Variants in ARRDC1 observed in about 807,000 individuals in gnomAD.
ARRDC1 encodes arrestin domain containing 1.
A neutral mutation model predicts 40.1 loss-of-function variants in ARRDC1; 37 were observed. The ratio of observed to expected loss-of-function variants is 0.92; its 90% CI spans 0.71 to 1.21. ARRDC1 has a LOEUF of 1.21. Ranked by LOEUF, ARRDC1 falls within the 50% of genes most tolerant of loss-of-function variation. The pLI, the probability that ARRDC1 is intolerant of heterozygous loss-of-function variation, is 0.00. For missense variants in ARRDC1, 641 were observed against 581.9 expected (o/e 1.10, Z -1.04); for synonymous variants, 310 against 262.5 (o/e 1.18, Z -1.75).
At position 137,609,661 on chromosome 9, in the gene ARRDC1, A is replaced by G. The variant is rs935663886; in HGVS notation, c.119-3235A>G. Among the ~76,000 whole-genome samples the G allele has an allele frequency of 2.6e-5, 4 of 152,264 alleles. No individual in the cohort carries two copies. The South Asian group carries it at 8.3e-4, about 32-fold the overall frequency. On this transcript the variant is annotated intron_variant, in intron 1 of 7. Transcript: ENST00000371421. ...CACCACAGCCTCCTGAGTGACTGGG[A>G]CCAGGGGCACGCGCCACCACACCCA...
intron 2 of ARRDC1, 71 bp downstream of exon 2, chr9:137,613,077 G>A: frequency 2.6e-6 from 3 of 1,156,012 alleles, no homozygotes; most frequent in Non-Finnish European, 1.3e-6. Context: ...TGTCTGTCCT[G>A]TCCTCCCCCT....
chr9:137,606,395 G>A (rs556114893), intron 1 of ARRDC1, among the ~76,000 whole-genome samples: 13 of 152,296 alleles, frequency 8.5e-5, no homozygotes, highest in African/African-American at 2.9e-4. Context: ...GCGAGGTGAG[G>A]CTGCCTCTGC....
chr9:137,609,768 C>T (rs777506118), intron 1 of ARRDC1, among the ~76,000 whole-genome samples: 3 of 152,084 alleles, frequency 2.0e-5, no homozygotes, highest in Non-Finnish European at 4.4e-5. Context: ...TCAAGCAATC[C>T]GCTCGCCTTG....
chr9:137,613,136 G>T, intron 2 of ARRDC1, 130 bp downstream of exon 2: 1 of 844,314 alleles, frequency 1.2e-6, no homozygotes, highest in South Asian at 1.4e-5. Context: ...TTGTCCCAGG[G>T]TTGTGGGCCC....
intron 1 of ARRDC1, chr9:137,612,405 G>C (rs1842545621): frequency 5.7e-6 from 1 of 175,502 alleles, no homozygotes; most frequent in African/African-American, 2.4e-5. Flanking sequence ...GGAACACTGT[G>C]TCTGCCTAGG....
chr9:137,610,826 G>A (rs1220983812), intron 1 of ARRDC1, among the ~76,000 whole-genome samples: 1 of 152,028 alleles, frequency 6.6e-6, no homozygotes, highest in African/African-American at 2.4e-5. Flanking sequence ...GCCTCCCGAA[G>A]TGCTGGGATT....
intron 1 of ARRDC1, among the ~76,000 whole-genome samples, chr9:137,609,861 T>C (rs558795278): frequency 2.0e-5 from 3 of 151,778 alleles, no homozygotes; most frequent in Non-Finnish European, 2.9e-5. Flanking sequence ...ATCTGATGGA[T>C]TGAAATGGTA....
chr9:137,612,855 C>T, intron 1 of ARRDC1, 41 bp from the exon 2 acceptor site: 1 of 1,514,634 alleles, frequency 6.6e-7, no homozygotes, highest in Non-Finnish European at 9.1e-7. Flanking sequence ...GGGGCCTGGG[C>T]CGTCGGCTGG....
At chr9:137,606,309 G>A (rs954337975) in intron 1 of ARRDC1, among the ~76,000 whole-genome samples, 3 of 152,194 alleles carry the variant, frequency 2.0e-5, no homozygotes, top group Non-Finnish European at 2.9e-5. Flanking sequence ...CGAGGTGGAC[G>A]CCTGGGCCTC....
chr9:137,612,887 C>T lies in ARRDC1; in HGVS notation c.119-9C>T. On this transcript the variant is annotated splice_polypyrimidine_tract_variant and intron_variant, in intron 1 of 7. Coordinates refer to ENST00000371421, the MANE Select transcript of ARRDC1 (RefSeq NM_152285.4). ...CTGGCTGGGGCTCATGCAGCCATCC[C>T]CTTTGCAGCCATCCGGGTGACCTGC... 6.2e-7 allele frequency: 1 copy of T among 1,610,494 alleles called. No individual in the cohort carries two copies. The highest frequency in any genetic ancestry group is 8.5e-7 in the Non-Finnish European group (1 of 1,177,178).
In ARRDC1 at chr9:137,615,274, C is replaced by A; in HGVS notation, c.*136C>A. 1.2e-6 allele frequency: 1 copy of A among 831,602 alleles called. No homozygotes were observed. Among genetic ancestry groups the A allele is most frequent in the Non-Finnish European group, 1.8e-6 (1 of 570,650 alleles). 51.5% of individuals were successfully genotyped at this position (831,602 alleles called of 1,614,324 possible). Reference sequence around the variant, plus strand: ...CTCTGCCAGCTCCTCTGGCATCCGCCCTCTTCTCCCTGGGGCTGGGGTGGG... The same window carrying A: ...CTCTGCCAGCTCCTCTGGCATCCGCACTCTTCTCCCTGGGGCTGGGGTGGG... On this transcript the variant is annotated 3_prime_UTR_variant, in exon 8 of 8. Coordinates refer to ENST00000371421, the MANE Select transcript of ARRDC1 (RefSeq NM_152285.4).
intron 1 of ARRDC1, 81 bp downstream of exon 1, chr9:137,605,916 C>T: frequency 2.2e-6 from 2 of 905,720 alleles, no homozygotes; most frequent in South Asian, 5.3e-5. Context: ...CGTCGCCTGG[C>T]CCCGGGTTGG....
chr9:137,607,472 G>C (rs946566862), intron 1 of ARRDC1, among the ~76,000 whole-genome samples: 16 of 152,234 alleles, frequency 1.1e-4, no homozygotes, highest in Non-Finnish European at 2.4e-4. Flanking sequence ...GGGAGGCCTG[G>C]GAGGGAGCAG....
rs1564504703 is a variant in ARRDC1 at position 137,614,824 on chromosome 9, G to T, written c.1061G>T (p.Gly354Val). ...PLLATLSSVP[G>V]APEPCPQDGS... ...CTGGCCACCTTGAGTTCTGTGCCTGGTGCGCCGGAGCCCTGCCCTCAGGAT... is the reference window on the plus strand; with the variant it reads ...CTGGCCACCTTGAGTTCTGTGCCTGTTGCGCCGGAGCCCTGCCCTCAGGAT... Residue 354 changes from glycine to valine, a missense_variant, in exon 7 of 8, where the codon GGT (glycine) becomes GTT (valine). By Grantham distance (109) the Gly-to-Val change is moderately radical (BLOSUM62 -3). Coordinates refer to ENST00000371421, the MANE Select transcript of ARRDC1 (RefSeq NM_152285.4). 1 of 1,613,210 alleles carries T rather than the reference G, an allele frequency of 6.2e-7. No individual in the cohort carries two copies. The highest frequency in any genetic ancestry group is 1.1e-5 in the South Asian group (1 of 91,070).
chr9:137,606,306 G>T (rs2133323699), intron 1 of ARRDC1, among the ~76,000 whole-genome samples: 1 of 152,336 alleles, frequency 6.6e-6, no homozygotes, highest in South Asian at 2.1e-4. Flanking sequence ...CGCCGAGGTG[G>T]ACGCCTGGGC....
chr9:137,614,502 T>C lies in ARRDC1; in HGVS notation c.795+27T>C, dbSNP rs2797941. On this transcript the variant is annotated intron_variant, in intron 6 of 7. Transcript: ENST00000371421. ...TTTGGTGCTGCTGGGGGCTGGGTGG[T>C]CTGAGGCCTAGTGGCCTTGGCCCTG... The C allele has an allele frequency of 7.6e-3, 12,203 of 1,612,970 alleles. 727 individuals are homozygous for C. In the African/African-American group the frequency reaches 0.14, roughly 18 times the overall value.
At position 137,605,753 on chromosome 9, in the gene ARRDC1, C is replaced by T; in HGVS notation, c.36C>T (p.Ser12=). The T allele has an allele frequency of 2.2e-6, 3 of 1,377,850 alleles. No individual in the cohort carries two copies. The highest frequency in any genetic ancestry group is 3.1e-5 in the South Asian group (2 of 63,858). 85.4% of individuals were successfully genotyped at this position (1,377,850 alleles called of 1,614,324 possible). ...GRVQLFEISL[S]HGRVVYSPGE... is the part of the protein sequence containing the mutation. Reference sequence around the variant, plus strand: ...TGCAGCTCTTCGAGATCAGCCTGAGCCACGGCCGCGTCGTCTACAGCCCCG... The same window carrying T: ...TGCAGCTCTTCGAGATCAGCCTGAGTCACGGCCGCGTCGTCTACAGCCCCG... Residue 12 remains serine (S), a synonymous_variant, in exon 1 of 8, where the codon AGC becomes AGT. Transcript: ENST00000371421.
intron 6 of ARRDC1, 32 bp downstream of exon 6, chr9:137,614,507 G>C: frequency 6.2e-7 from 1 of 1,613,098 alleles, no homozygotes. Context: ...GGTGGTCTGA[G>C]GCCTAGTGGC....
chr9:137,608,223 C>T (rs570568805), intron 1 of ARRDC1, among the ~76,000 whole-genome samples: 211 of 152,292 alleles, frequency 1.4e-3, no homozygotes, highest in Non-Finnish European at 2.0e-3. Context: ...CCTCGTGATC[C>T]GCCCGCCTCG....
Sources: gnomAD v4.1 joint callset for allele counts (sites outside exome capture counted in the v4.1 genomes callset) on GRCh38, gnomAD v4.1.1 for gene constraint, MANE v1.5 for transcripts, NCBI Gene and HGNC (gene_info 2026-07-23, HGNC 2026-07-21) for gene names.